ZNF226: variants seen among roughly 807,000 people sequenced by gnomAD.
The protein encoded by ZNF226 is Kruppel-associated box protein.
Under a neutral mutation model 11.4 loss-of-function variants are expected in ZNF226, and 6 were observed. The observed-to-expected ratio is 0.53, with a 90% confidence interval of 0.29 to 1.04. ZNF226 has a LOEUF of 1.04. Ranked by LOEUF, ZNF226 falls within the 50% of genes least tolerant of loss-of-function variation. ZNF226 has a pLI of 0.08. For synonymous variants in ZNF226, 350 were observed against 322.8 expected (o/e 1.08, Z -0.90); for missense variants, 1,058 against 956.5 (o/e 1.11, Z -1.40).
At chr19:44,168,381 A>G (rs1969652024) in intron 2 of ZNF226, among the ~76,000 whole-genome samples, 1 of 152,144 alleles carries the variant, frequency 6.6e-6, no homozygotes, top group Non-Finnish European at 1.5e-5. Flanking sequence ...ACTTACTGTT[A>G]TCTAACCCAC....
the ZNF226 span, among the ~76,000 whole-genome samples, chr19:44,183,464 A>G: frequency 1.3e-5 from 2 of 152,200 alleles, no homozygotes; most frequent in Admixed American, 6.5e-5. Context: ...AATGCTTTGT[A>G]TGTGCCAAAA....
chr19:44,184,347 C>T, the ZNF226 span, among the ~76,000 whole-genome samples: 5 of 152,000 alleles, frequency 3.3e-5, no homozygotes, highest in South Asian at 2.1e-4. Context: ...TTTGGGAGGC[C>T]GAGGCAGGTG....
chr19:44,180,611 A>T (rs1414458923), downstream of ZNF226, among the ~76,000 whole-genome samples: 2 of 152,196 alleles, frequency 1.3e-5, no homozygotes, highest in Non-Finnish European at 2.9e-5. Flanking sequence ...ATTAGAATAT[A>T]GCAATGCCTG....
intron 5 of ZNF226, chr19:44,173,205 A>C: frequency 1.8e-6 from 1 of 545,708 alleles, no homozygotes; most frequent in Admixed American, 3.4e-5. Context: ...CTTATTTTAC[A>C]TAGAGTAAAA....
chr19:44,172,917 T>C lies in ZNF226; in HGVS notation c.200T>C (p.Ile67Thr). 3.1e-6 allele frequency: 5 copies of C among 1,605,808 alleles called. No homozygotes were observed. Among genetic ancestry groups the C allele is most frequent in the Non-Finnish European group, 4.3e-6 (5 of 1,176,078 alleles). Residue 67 changes from isoleucine to threonine, a missense_variant, in exon 5 of 6, where the codon ATA becomes ACA. Transcript: ENST00000337433. ...SPIERNEQLW[I>T]MTTATRRQGN... is the part of the protein sequence containing the mutation. ...ATAGAAAGAAATGAGCAGCTTTGGA[T>C]AATGACGACAGCAACCCGAAGACAG...
the ZNF226 span, among the ~76,000 whole-genome samples, chr19:44,184,978 T>C: frequency 6.6e-6 from 1 of 152,216 alleles, no homozygotes; most frequent in Non-Finnish European, 1.5e-5. Context: ...TTCCTATAAT[T>C]TTGACTACTT....
intron 3 of ZNF226, 96 bp downstream of exon 3, chr19:44,170,191 C>A: frequency 7.7e-7 from 1 of 1,291,214 alleles, no homozygotes; most frequent in East Asian, 2.4e-5. Flanking sequence ...GTCAAGGCAT[C>A]TGATGACCTG....
At position 44,172,181 on chromosome 19, in the gene ZNF226, A is replaced by G. The variant is rs778795729; in HGVS notation, c.109A>G (p.Met37Val). The G allele has an allele frequency of 5.0e-6, 8 of 1,612,320 alleles. No homozygotes were observed. The highest frequency in any genetic ancestry group is 5.9e-6 in the Non-Finnish European group (7 of 1,178,982). ...PAQRKLYRDV[M>V]VENFRNLLSV... ...CCAGAGGAAGCTGTACCGAGATGTG[A>G]TGGTGGAGAACTTTAGGAACCTGCT... The change falls in exon 4 of 6, where the codon ATG becomes GTG. Residue 37 changes from methionine (M) to valine (V), a missense_variant. Coordinates refer to ENST00000337433, the MANE Select transcript of ZNF226 (RefSeq NM_001032373.2).
In ZNF226 at chr19:44,172,685, C is replaced by T. The variant is rs2232802; in HGVS notation, c.143-175C>T. 10 of 597,752 alleles carry T rather than the reference C, an allele frequency of 1.7e-5. No individual in the cohort carries two copies. The African/African-American group carries it at 1.7e-4, about 10-fold the overall frequency. The allele number at this position is 597,752 out of a possible 1,614,324, so 37.0% of individuals were successfully genotyped here. A position where few individuals can be genotyped will look rare whatever the true frequency, so the allele number is the denominator to read the frequency against. On this transcript the variant is annotated intron_variant, in intron 4 of 5. Transcript: ENST00000337433. Reference sequence around the variant, plus strand: ...ACTTGGTTTTCATAATATGTATTTACGCATGTGTGTCTGGGTCATGAAATA... The same window carrying T: ...ACTTGGTTTTCATAATATGTATTTATGCATGTGTGTCTGGGTCATGAAATA...
chr19:44,170,201 G>T (rs1405425733), intron 3 of ZNF226, 106 bp downstream of exon 3: 11 of 1,135,694 alleles, frequency 9.7e-6, no homozygotes, highest in Non-Finnish European at 1.4e-5. Flanking sequence ...CTGATGACCT[G>T]TTGAGTGTGC....
At chr19:44,192,640 A>C in the ZNF226 span, among the ~76,000 whole-genome samples, 6 of 152,250 alleles carry the variant, frequency 3.9e-5, no homozygotes, top group Non-Finnish European at 8.8e-5. Context: ...GAAAAGCTTC[A>C]AAAGGAAAGT....
chr19:44,174,947 A>G, intron 5 of ZNF226: 1 of 1,595,256 alleles, frequency 6.3e-7, no homozygotes, highest in Non-Finnish European at 8.5e-7. Flanking sequence ...TCAACTTTGC[A>G]GCAAAACTGT....
chr19:44,166,881 A>T (rs1309929648), intron 2 of ZNF226: 1 of 152,206 alleles, frequency 6.6e-6, no homozygotes, highest in Non-Finnish European at 1.5e-5. Flanking sequence ...CAAGATCCCA[A>T]GGTGAGCGAG....
In ZNF226 at chr19:44,177,468, T is replaced by C. The variant is rs1970802230; in HGVS notation, c.2206T>C (p.Phe736Leu). 1 of 1,614,122 alleles carries C rather than the reference T, an allele frequency of 6.2e-7. No homozygotes were observed. The part of the protein sequence containing the change: ...PYKCDVCGKV[F>L]SRSSQLQSHQ... ...CAAATGTGATGTGTGTGGTAAAGTC[T>C]TCAGTCGGTCTTCACAACTACAGTC... The change falls in exon 6 of 6, where the codon TTC becomes CTC. Residue 736 changes from phenylalanine to leucine, a missense_variant. Coordinates refer to ENST00000337433, the MANE Select transcript of ZNF226 (RefSeq NM_001032373.2).
rs1599736007 is a variant in ZNF226, at chr19:44,176,056, C to G, written c.794C>G (p.Ser265Cys). The G allele has an allele frequency of 6.2e-7, 1 of 1,613,970 alleles. No individual in the cohort carries two copies. Among genetic ancestry groups the G allele is most frequent in the Non-Finnish European group, 8.5e-7 (1 of 1,180,002 alleles). ...NECKKPFSDL[S>C]SFDLHQQLQS... Reference sequence around the variant, plus strand: ...TGTAAAAAACCCTTCAGTGATCTCTCCAGCTTTGATCTTCATCAGCAGTTA... The same window carrying G: ...TGTAAAAAACCCTTCAGTGATCTCTGCAGCTTTGATCTTCATCAGCAGTTA... The change falls in exon 6 of 6, where the codon TCC (serine) becomes TGC (cysteine). Residue 265 changes from serine (S) to cysteine (C), a missense_variant. Transcript: ENST00000337433.
rs548204072 is a variant in ZNF226 at position 44,176,619 on chromosome 19, G to A, written c.1357G>A (p.Gly453Ser). The A allele has an allele frequency of 3.0e-5, 49 of 1,614,112 alleles. No homozygotes were observed. In the South Asian group the frequency reaches 5.1e-4, roughly 17 times the overall value. Residue 453 changes from glycine to serine, a missense_variant, in exon 6 of 6, where the codon GGT (glycine) becomes AGT (serine). Transcript: ENST00000337433. ...AAAACCCTATAAATGTGAGGAATGT[G>A]GTAAAGGCTTTAGTCGGCCTTCAAG... is the stretch of plus-strand genomic sequence containing the variant. ...GEKPYKCEECGKGFSRPSSLQ... is the reference protein window; with the variant it reads ...GEKPYKCEECSKGFSRPSSLQ...
intron 2 of ZNF226, chr19:44,169,745 C>T: frequency 4.3e-6 from 1 of 230,400 alleles, no homozygotes; most frequent in Non-Finnish European, 8.4e-6. Context: ...ATATCAATTC[C>T]AGGCCTACTG....
At chr19:44,194,468 A>G in the ZNF226 span, among the ~76,000 whole-genome samples, 2 of 152,134 alleles carry the variant, frequency 1.3e-5, no homozygotes, top group Admixed American at 6.5e-5. Context: ...TTTTAGAGAC[A>G]GGGTCTTGTT....
chr19:44,177,325 T>C lies in ZNF226; in HGVS notation c.2063T>C (p.Met688Thr), dbSNP rs1424531996. Residue 688 changes from methionine to threonine, a missense_variant, in exon 6 of 6, where the codon ATG becomes ACG. Coordinates refer to ENST00000337433, the MANE Select transcript of ZNF226 (RefSeq NM_001032373.2). ...KGFKWSLNLD[M>T]HQRVHTGEKP... is the part of the protein sequence containing the mutation. ...TTCAAGTGGAGCTTGAACCTTGACATGCATCAGAGGGTGCACACAGGAGAA... is the reference window on the plus strand; with the variant it reads ...TTCAAGTGGAGCTTGAACCTTGACACGCATCAGAGGGTGCACACAGGAGAA... 2 of 1,614,058 alleles carry C rather than the reference T, an allele frequency of 1.2e-6. No individual in the cohort carries two copies. The highest frequency in any genetic ancestry group is 2.2e-5 in the South Asian group (2 of 91,080).
Sources: gnomAD v4.1 joint callset for allele counts (sites outside exome capture counted in the v4.1 genomes callset) on GRCh38, gnomAD v4.1.1 for gene constraint, MANE v1.5 for transcripts, NCBI Gene and HGNC (gene_info 2026-07-23, HGNC 2026-07-21) for gene names.